GRK2: variants seen among roughly 807,000 people sequenced by gnomAD.
GRK2 encodes the protein G protein-coupled receptor kinase 2.
GRK2 carries 23 observed loss-of-function variants against 97.8 expected under a neutral mutation model. The observed-to-expected ratio is 0.24, with a 90% CI of 0.17 to 0.33. The LOEUF is 0.33. GRK2 is among the 10% of genes least tolerant of loss of function. The pLI is 1.00. For synonymous variants in GRK2, 425 were observed against 381.7 expected, an observed-to-expected ratio of 1.11 and a Z score of -1.32; for missense variants, 633 against 956.9, an observed-to-expected ratio of 0.66 and a Z score of 4.47.
chr11:67,286,256 G>A lies in GRK2; in HGVS notation c.*806G>A. ...GCCGGCCAGGTGGGCGGGCAGCACA[G>A]CAAGGAGGCTGGCTGGGGCCTATCA... On this transcript the variant is annotated 3_prime_UTR_variant, in exon 21 of 21. Coordinates refer to ENST00000308595, the MANE Select transcript of GRK2 (RefSeq NM_001619.5). 1.7e-6 allele frequency: 1 copy of A among 603,020 alleles called. No individual in the cohort carries two copies. Among genetic ancestry groups the A allele is most frequent in the Non-Finnish European group, 3.0e-6 (1 of 338,606 alleles). 37.4% of individuals were successfully genotyped at this position (603,020 alleles called of 1,614,324 possible).
In GRK2 at chr11:67,281,979, G is replaced by A. The variant is rs376434780; in HGVS notation, c.957+27G>A. On this transcript the variant is annotated intron_variant, in intron 11 of 20. Transcript: ENST00000308595. The surrounding 1 kb of genome is among the most constrained non-coding windows in gnomAD (Gnocchi z 5.7). ...TGAGCGCCCCTGCTGTCCCCAGGCT[G>A]GACCTCCGTGGCTGTCCTCTCCTTC... 6.2e-7 allele frequency: 1 copy of A among 1,612,526 alleles called. No individual in the cohort carries two copies. The highest frequency in any genetic ancestry group is 1.7e-5 in the Admixed American group (1 of 59,978).
At chr11:67,280,247 G>C (rs1326267107) in intron 6 of GRK2, 1 of 409,378 alleles carries the variant, frequency 2.4e-6, no homozygotes, top group African/African-American at 2.0e-5. Context: ...GGTAGGGGTA[G>C]GCCCAGTAGA....
rs1195058408 is a variant in GRK2, at chr11:67,277,339, C to G, written c.181C>G (p.Gln61Glu). Residue 61 changes from glutamine (Q) to glutamate (E), a missense_variant, in exon 2 of 21, where the codon CAG becomes GAG. Physicochemically the swap from Gln to Glu is conservative, Grantham distance 29 (BLOSUM62 2). This residue lies in a region of GRK2 where 193 missense variants were observed against 212.2 expected (regional missense o/e 0.91). Transcript: ENST00000308595. Reference sequence around the variant, plus strand: ...GGTGACCTTTGAGAAGATCTTTTCCCAGAAGCTGGGTGAGTATGGCAGTGG... The same window carrying G: ...GGTGACCTTTGAGAAGATCTTTTCCGAGAAGCTGGGTGAGTATGGCAGTGG... ...GEVTFEKIFS[Q>E]KLGYLLFRDF... 2 of 1,613,520 alleles carry G rather than the reference C, an allele frequency of 1.2e-6. No individual in the cohort carries two copies. The highest frequency in any genetic ancestry group is 1.7e-6 in the Non-Finnish European group (2 of 1,179,892).
chr11:67,283,513 G>T (rs375062277), intron 15 of GRK2, 194 bp from the exon 16 acceptor site: 1 of 632,008 alleles, frequency 1.6e-6, no homozygotes, highest in Non-Finnish European at 2.8e-6. Context: ...TGGGCATAGG[G>T]TTGCAAAATT....
chr11:67,280,023 G>A (rs990764987), intron 6 of GRK2, 123 bp downstream of exon 6: 21 of 966,942 alleles, frequency 2.2e-5, no homozygotes, highest in South Asian at 2.7e-5. Flanking sequence ...TGGCTGGCCC[G>A]TCAGCGGCCC....
At chr11:67,277,038 C>T (rs1422530869) in intron 1 of GRK2, 5 of 434,676 alleles carry the variant, frequency 1.2e-5, no homozygotes, top group Non-Finnish European at 2.1e-5. Flanking sequence ...AGGGGGCCAC[C>T]TGCCGGCCAC....
chr11:67,284,708 G>C, intron 18 of GRK2, 139 bp from the exon 19 acceptor site: 1 of 1,181,358 alleles, frequency 8.5e-7, no homozygotes. Context: ...AGGATCGTTT[G>C]AACCTGGGAG....
At position 67,283,845 on chromosome 11, in the gene GRK2, C is replaced by A. The variant is rs767079957; in HGVS notation, c.1396-9C>A. On this transcript the variant is annotated splice_polypyrimidine_tract_variant and intron_variant, in intron 16 of 20. Transcript: ENST00000308595. ...CGAGCTAATGCCCATGACCCCTGTT[C>A]TGCTGCAGTACCCTCCCCCGCTGAT... The A allele has an allele frequency of 1.2e-6, 2 of 1,612,768 alleles. No individual in the cohort carries two copies. Among genetic ancestry groups the A allele is most frequent in the African/African-American group, 1.3e-5 (1 of 74,930 alleles).
At position 67,266,677 on chromosome 11, in the gene GRK2, G is replaced by C; in HGVS notation, c.-23G>C. The C allele has an allele frequency of 9.0e-7, 1 of 1,105,970 alleles. No homozygotes were observed. Among genetic ancestry groups the C allele is most frequent in the Non-Finnish European group, 1.1e-6 (1 of 889,872 alleles). 68.5% of individuals were successfully genotyped at this position (1,105,970 alleles called of 1,614,324 possible). On this transcript the variant is annotated 5_prime_UTR_variant, in exon 1 of 21. Coordinates refer to ENST00000308595, the MANE Select transcript of GRK2 (RefSeq NM_001619.5). ...GCGGCGGCGGCGGCGGCGGCGGCGG[G>C]AGGAGGCAGCGCCGCCGCCAAGATG...
intron 1 of GRK2, among the ~76,000 whole-genome samples, chr11:67,272,288 T>C (rs1014960853): frequency 6.6e-6 from 1 of 152,094 alleles, no homozygotes; most frequent in African/African-American, 2.4e-5. Context: ...TGGAGGGTGC[T>C]CTAGTGGAGG....
intron 1 of GRK2, among the ~76,000 whole-genome samples, chr11:67,271,912 A>G (rs183775644): frequency 6.6e-6 from 1 of 152,326 alleles, no homozygotes; most frequent in Admixed American, 6.5e-5. Context: ...GAAATGCCAC[A>G]GGGAGCACCT....
chr11:67,272,272 G>T (rs900449411), intron 1 of GRK2, among the ~76,000 whole-genome samples: 3 of 152,214 alleles, frequency 2.0e-5, no homozygotes, highest in African/African-American at 4.8e-5. Context: ...GAGGTCAAGG[G>T]GGGGATGGAG....
intron 18 of GRK2, 133 bp from the exon 19 acceptor site, chr11:67,284,713 TG>T (rs1860232628): frequency 3.3e-6 from 4 of 1,210,074 alleles, no homozygotes; most frequent in Non-Finnish European, 4.6e-6. Flanking sequence ...CGTTTGAACC[TG>T]GGAGGTGGAG....
chr11:67,279,358 G>A (rs1860098160), intron 3 of GRK2, 60 bp from the exon 4 acceptor site: 2 of 1,605,818 alleles, frequency 1.2e-6, no homozygotes, highest in South Asian at 2.2e-5. Context: ...AAGCTGCCTG[G>A]TGTGGGCATC....
rs1254031395 is a variant in GRK2, at chr11:67,286,358, C to T, written c.*908C>T. ...CCCACAGCCCACGTCCTGTCAGTGC[C>T]GCCGCCTCGCCCACCGCATGCCCCC... On this transcript the variant is annotated 3_prime_UTR_variant, in exon 21 of 21. Transcript: ENST00000308595. 2.3e-5 allele frequency: 16 copies of T among 697,060 alleles called. No homozygotes were observed. Among genetic ancestry groups the T allele is most frequent in the Middle Eastern group, 3.0e-4 (1 of 3,314 alleles). 43.2% of individuals were successfully genotyped at this position (697,060 alleles called of 1,614,324 possible). A position where few individuals can be genotyped will look rare whatever the true frequency, so the allele number is the denominator to read the frequency against.
chr11:67,281,432 T>C lies in GRK2; in HGVS notation c.648-27T>C, dbSNP rs1860148916. 1 of 1,603,048 alleles carries C rather than the reference T, an allele frequency of 6.2e-7. No homozygotes were observed. Among genetic ancestry groups the C allele is most frequent in the African/African-American group, 1.3e-5 (1 of 74,746 alleles). On this transcript the variant is annotated intron_variant, in intron 8 of 20. Coordinates refer to ENST00000308595, the MANE Select transcript of GRK2 (RefSeq NM_001619.5). The surrounding 1 kb of genome is among the most constrained non-coding windows in gnomAD (Gnocchi z 5.7). ...CCTGGGCCCCTGCTCTGAGGGTGGG[T>C]GTTGACTGCCGACCTCTGCCCCGTA...
Position 67,281,546 on chromosome 11 carries a change from C to T in GRK2, c.735C>T (p.Leu245=), listed in dbSNP as rs772631517. 1.8e-5 allele frequency: 29 copies of T among 1,613,464 alleles called. No individual in the cohort carries two copies. The highest frequency in any genetic ancestry group is 6.7e-5 in the East Asian group (3 of 44,888). ...TGAACGAGCGCATCATGCTCTCGCT[C>T]GTCAGCACTGGGGTGAGCTGGGTGG... ...LALNERIMLS[L]VSTGDCPFIV... is the part of the protein sequence containing the mutation. Residue 245 remains leucine, a synonymous_variant, in exon 9 of 21, where the codon CTC becomes CTT. Coordinates refer to ENST00000308595, the MANE Select transcript of GRK2 (RefSeq NM_001619.5). This position sits in a 1 kb window ranked among gnomAD's most constrained non-coding sequence, Gnocchi z 5.7.
Position 67,283,878 on chromosome 11 carries a change from C to A in GRK2, c.1420C>A (p.Arg474=). 1 of 1,613,144 alleles carries A rather than the reference C, an allele frequency of 6.2e-7. No individual in the cohort carries two copies. The highest frequency in any genetic ancestry group is 2.2e-5 in the East Asian group (1 of 44,868). ...GTACCCTCCCCCGCTGATCCCCCCA[C>A]GAGGGGAGGTGAACGCGGCCGACGC... is the stretch of plus-strand genomic sequence containing the variant. The part of the protein sequence containing the change: ...QKYPPPLIPP[R]GEVNAADAFD... The change falls in exon 17 of 21, where the codon CGA becomes AGA. Residue 474 remains arginine (R), a synonymous_variant. Coordinates refer to ENST00000308595, the MANE Select transcript of GRK2 (RefSeq NM_001619.5).
At chr11:67,275,918 G>T (rs1407573481) in intron 1 of GRK2, among the ~76,000 whole-genome samples, 1 of 152,180 alleles carries the variant, frequency 6.6e-6, no homozygotes, top group Admixed American at 6.5e-5. Flanking sequence ...TTTGGAGCAG[G>T]GGGTGGCTTT....
Sources: gnomAD v4.1 joint callset for allele counts (sites outside exome capture counted in the v4.1 genomes callset) on GRCh38, gnomAD v4.1.1 for gene constraint, gnomAD v4.1.1 regional missense constraint, Gnocchi (gnomAD v3.1) non-coding constraint, MANE v1.5 for transcripts, NCBI Gene and HGNC (gene_info 2026-07-23, HGNC 2026-07-21) for gene names.